MGAT4A: variants seen among roughly 807,000 people sequenced by gnomAD.
MGAT4A encodes the protein N-acetylglucosaminyltransferase IVa.
Under a neutral mutation model 74.1 loss-of-function variants are expected in MGAT4A, and 33 were observed. The observed-to-expected ratio is 0.45, with a 90% confidence interval of 0.34 to 0.60. The LOEUF (loss-of-function observed/expected upper bound fraction) is 0.60, where lower values mean the gene tolerates loss of function less well. Among genes scored for constraint, MGAT4A ranks in the 20% least tolerant of loss-of-function variants. The pLI is 0.02. For synonymous variants in MGAT4A, 198 were observed against 210.4 expected (o/e 0.94, Z 0.51); for missense variants, 479 against 628.3 (o/e 0.76, Z 2.54).
At chr2:98,706,640 T>TA (rs879908885) in intron 2 of MGAT4A, among the ~76,000 whole-genome samples, 204 of 140,096 alleles carry the variant, frequency 1.5e-3, no homozygotes, top group Admixed American at 5.2e-3. Context: ...GATGTGAATT[T>TA]AAAAAAAAAA....
chr2:98,651,993 T>C (rs1196013503), intron 8 of MGAT4A, among the ~76,000 whole-genome samples: 1 of 152,034 alleles, frequency 6.6e-6, no homozygotes, highest in Non-Finnish European at 1.5e-5. Context: ...AATAAAAGGG[T>C]CAGTCAAATC....
intron 12 of MGAT4A, among the ~76,000 whole-genome samples, chr2:98,639,042 T>C (rs1701364092): frequency 6.6e-6 from 1 of 152,174 alleles, no homozygotes; most frequent in South Asian, 2.1e-4. Context: ...CCCAGTACTT[T>C]GGGAGGCAGA....
chr2:98,627,485 C>A (rs1172021255), intron 14 of MGAT4A, among the ~76,000 whole-genome samples: 1 of 152,140 alleles, frequency 6.6e-6, no homozygotes, highest in Non-Finnish European at 1.5e-5. Context: ...AAATGATCCT[C>A]CCACCTCAGC....
chr2:98,705,890 C>T (rs1415946919), intron 2 of MGAT4A, among the ~76,000 whole-genome samples: 1 of 144,676 alleles, frequency 6.9e-6, no homozygotes, highest in Non-Finnish European at 1.5e-5. Context: ...TGCAGTGAGC[C>T]GAGATTGCGC....
chr2:98,715,316 T>TAA (rs1477684415), intron 2 of MGAT4A, among the ~76,000 whole-genome samples: 1 of 64,782 alleles, frequency 1.5e-5, no homozygotes. Flanking sequence ...AGACTTCATC[T>TAA]CAAAAAAAAA....
chr2:98,673,364 T>C (rs1234464922), intron 4 of MGAT4A, among the ~76,000 whole-genome samples: 3 of 152,128 alleles, frequency 2.0e-5, no homozygotes, highest in Admixed American at 6.5e-5. Context: ...ACCCCAGAAA[T>C]TACAAATAAA....
At chr2:98,666,293 T>C (rs1396386019) in intron 4 of MGAT4A, among the ~76,000 whole-genome samples, 1 of 152,050 alleles carries the variant, frequency 6.6e-6, no homozygotes, top group Non-Finnish European at 1.5e-5. Flanking sequence ...ACAACACACT[T>C]GAGGAGAGGG....
In MGAT4A at chr2:98,643,781, T is replaced by C. The variant is rs554703470; in HGVS notation, c.1020+142A>G. Reference sequence around the variant, plus strand: ...TTCCACTGCTATCTAAAAGTTCTTCTAATATAGAAACTTTTTATCAGCTCA... The same window carrying C: ...TTCCACTGCTATCTAAAAGTTCTTCCAATATAGAAACTTTTTATCAGCTCA... On this transcript the variant is annotated intron_variant, in intron 10 of 15. Coordinates refer to ENST00000393487, the MANE Select transcript of MGAT4A (RefSeq NM_012214.3). 31 of 744,030 alleles carry C rather than the reference T, an allele frequency of 4.2e-5. No individual in the cohort carries two copies. The South Asian group carries it at 1.3e-3, about 32-fold the overall frequency. 46.1% of individuals were successfully genotyped at this position (744,030 alleles called of 1,614,324 possible).
In MGAT4A at chr2:98,622,652, G is replaced by A. The variant is rs1346874361; in HGVS notation, c.*2914C>T. ...CTTCTACTAGTTGAGTGCAGAACTG[G>A]GCAGAAAGGAGGGAGTAACTAACAG... On this transcript the variant is annotated 3_prime_UTR_variant, in exon 16 of 16. Coordinates refer to ENST00000393487, the MANE Select transcript of MGAT4A (RefSeq NM_012214.3). 15 of 985,496 alleles carry A rather than the reference G, an allele frequency of 1.5e-5. No individual in the cohort carries two copies. The highest frequency in any genetic ancestry group is 1.7e-5 in the African/African-American group (1 of 57,228). The allele number at this position is 985,496 out of a possible 1,614,324, so 61.0% of individuals were successfully genotyped here.
intron 6 of MGAT4A, 127 bp from the exon 7 acceptor site, chr2:98,656,592 G>A (rs1225043734): frequency 1.4e-5 from 8 of 589,098 alleles, no homozygotes; most frequent in East Asian, 3.0e-5. Context: ...TGTTATGGCC[G>A]CAAGGTGTTA....
At chr2:98,656,226 T>C (rs1482278879) in intron 7 of MGAT4A, 126 bp downstream of exon 7, 3 of 735,946 alleles carry the variant, frequency 4.1e-6, no homozygotes, top group Non-Finnish European at 7.0e-6. Context: ...CTGGACTTAA[T>C]GAGACTTACC....
In MGAT4A at chr2:98,723,804, T is replaced by C. The variant is rs549328775; in HGVS notation, c.94+2435A>G. Among the ~76,000 whole-genome samples, 9 of 152,330 alleles carry C rather than the reference T, an allele frequency of 5.9e-5. No individual in the cohort carries two copies. The South Asian group carries it at 8.3e-4, about 14-fold the overall frequency. The stretch of plus-strand genomic sequence containing the variant: ...CTCCTGTGTAAAGCACCTGAAGAAT[T>C]AGTAGCCTCTGCTTCTGCTTTTCTG... On this transcript the variant is annotated intron_variant, in intron 2 of 15. Coordinates refer to ENST00000393487, the MANE Select transcript of MGAT4A (RefSeq NM_012214.3).
Position 98,636,522 on chromosome 2 carries a change from A to C in MGAT4A, c.1396T>G (p.Phe466Val). 4 of 1,612,838 alleles carry C rather than the reference A, an allele frequency of 2.5e-6. No homozygotes were observed. The highest frequency in any genetic ancestry group is 2.2e-5 in the East Asian group (1 of 44,854). ...LLNTTVEVLP[F>V]KSEGLEISKE... is the part of the protein sequence containing the mutation. Reference sequence around the variant, plus strand: ...AGAGGAAATAGCAGTCATACCTTAAAAGGCAAAACTTCCACAGTTGTGTTT... The same window carrying C: ...AGAGGAAATAGCAGTCATACCTTAACAGGCAAAACTTCCACAGTTGTGTTT... Residue 466 changes from phenylalanine (F) to valine (V), a missense_variant, in exon 13 of 16, where the codon TTT (phenylalanine) becomes GTT (valine). Transcript: ENST00000393487.
intron 2 of MGAT4A, among the ~76,000 whole-genome samples, chr2:98,720,703 A>G (rs1188749546): frequency 6.6e-6 from 1 of 152,140 alleles, no homozygotes; most frequent in Admixed American, 6.6e-5. Context: ...ATTTGTACAC[A>G]ATGGAGAAAG....
intron 2 of MGAT4A, among the ~76,000 whole-genome samples, chr2:98,700,427 GTCTA>G (rs145963788): frequency 0.025 from 3,805 of 149,866 alleles, 134 homozygotes; most frequent in African/African-American, 0.078. Context: ...TGCATTATCT[GTCTA>G]TCTATCTATC....
intron 2 of MGAT4A, among the ~76,000 whole-genome samples, chr2:98,703,731 C>T (rs1428861192): frequency 6.6e-6 from 1 of 152,152 alleles, no homozygotes; most frequent in African/African-American, 2.4e-5. Flanking sequence ...CTACCCCTAA[C>T]AGTGCTTTAG....
chr2:98,642,288 G>A (rs1701422352), intron 10 of MGAT4A, among the ~76,000 whole-genome samples: 1 of 152,138 alleles, frequency 6.6e-6, no homozygotes, highest in South Asian at 2.1e-4. Flanking sequence ...CACTCCAGTG[G>A]CAATGGAAGG....
rs1005834077 is a variant in MGAT4A, at chr2:98,623,078, C to T, written c.*2488G>A. The T allele has an allele frequency of 3.0e-6, 3 of 985,476 alleles. No individual in the cohort carries two copies. The highest frequency in any genetic ancestry group is 1.2e-6 in the Non-Finnish European group (1 of 829,986). 61.0% of individuals were successfully genotyped at this position (985,476 alleles called of 1,614,324 possible). ...GGGCAGGCTGGAATAATTGGTCTCA[C>T]ATCCAGATGCTGACTGGCCACCTGC... is the stretch of plus-strand genomic sequence containing the variant. On this transcript the variant is annotated 3_prime_UTR_variant, in exon 16 of 16. Coordinates refer to ENST00000393487, the MANE Select transcript of MGAT4A (RefSeq NM_012214.3).
At chr2:98,632,137 T>TAAAA (rs1701246938) in intron 14 of MGAT4A, among the ~76,000 whole-genome samples, 2 of 151,576 alleles carry the variant, frequency 1.3e-5, no homozygotes, top group Admixed American at 6.6e-5. Flanking sequence ...AATAAATAAA[T>TAAAA]AAAAAGGCAG....
Sources: allele counts gnomAD v4.1 joint callset (sites outside exome capture counted in the v4.1 genomes callset), GRCh38; gene constraint gnomAD v4.1.1; transcripts MANE v1.5; gene names NCBI Gene and HGNC (gene_info 2026-07-23, HGNC 2026-07-21).